Variants in ZNF892 observed in about 807,000 individuals in gnomAD.
ZNF892 encodes zinc finger protein 570-like.
chr2:95,227,010 T>C, the ZNF892 span, among the ~76,000 whole-genome samples: 8 of 152,160 alleles, frequency 5.3e-5, no homozygotes, highest in Non-Finnish European at 8.8e-5. Context: ...TTTTATTAAA[T>C]GAATTATTTT....
chr2:95,208,628 G>A, the ZNF892 span: 2 of 398,512 alleles, frequency 5.0e-6, no homozygotes, highest in Admixed American at 4.4e-5. Flanking sequence ...AATCATCATG[G>A]CTCCTGTCTC....
the ZNF892 span, among the ~76,000 whole-genome samples, chr2:95,236,166 C>T: frequency 6.6e-6 from 1 of 152,186 alleles, no homozygotes. Context: ...CAGTCAAAGC[C>T]TTGGCAATAT....
At chr2:95,225,151 T>C in the ZNF892 span, among the ~76,000 whole-genome samples, 2 of 152,248 alleles carry the variant, frequency 1.3e-5, no homozygotes, top group Non-Finnish European at 2.9e-5. Flanking sequence ...GTTTATGTTA[T>C]AGAATATATT....
At chr2:95,251,008 ATATT>A in the ZNF892 span, among the ~76,000 whole-genome samples, 6 of 149,506 alleles carry the variant, frequency 4.0e-5, no homozygotes, top group Non-Finnish European at 7.4e-5. Context: ...TATTACATAA[ATATT>A]TATTATTTAT....
At chr2:95,249,274 T>G in the ZNF892 span, among the ~76,000 whole-genome samples, 1 of 128,700 alleles carries the variant, frequency 7.8e-6, no homozygotes, top group East Asian at 2.5e-4. Context: ...AGAGCCTTGC[T>G]CTGTCACCCA....
chr2:95,229,439 C>T, the ZNF892 span, among the ~76,000 whole-genome samples: 33 of 152,308 alleles, frequency 2.2e-4, no homozygotes, highest in African/African-American at 7.2e-4. Flanking sequence ...ATCCACCCCA[C>T]GCCACCCCAC....
chr2:95,245,245 A>ATT, the ZNF892 span, among the ~76,000 whole-genome samples: 19 of 77,710 alleles, frequency 2.4e-4, no homozygotes, highest in East Asian at 6.8e-4. Context: ...CCTGGAGCTG[A>ATT]TTTTTTTTTT....
the ZNF892 span, among the ~76,000 whole-genome samples, chr2:95,249,669 A>G: frequency 6.6e-6 from 1 of 152,110 alleles, no homozygotes; most frequent in Admixed American, 6.6e-5. Context: ...CCAATATACC[A>G]TCTCATCATT....
the ZNF892 span, among the ~76,000 whole-genome samples, chr2:95,229,255 G>C: frequency 5.6e-4 from 86 of 152,264 alleles, 2 homozygotes; most frequent in African/African-American, 1.7e-3. Context: ...GTATCACTAT[G>C]GGTCCATGGA....
the ZNF892 span, among the ~76,000 whole-genome samples, chr2:95,239,529 C>T: frequency 6.6e-6 from 1 of 152,172 alleles, no homozygotes; most frequent in Non-Finnish European, 1.5e-5. Flanking sequence ...CCCCAACCTT[C>T]AGAAACCACC....
chr2:95,230,618 G>T, the ZNF892 span, among the ~76,000 whole-genome samples: 2 of 152,180 alleles, frequency 1.3e-5, no homozygotes, highest in South Asian at 4.1e-4. Flanking sequence ...ACGGGAAGTG[G>T]CAGACCCCCG....
chr2:95,212,318 T>C, the ZNF892 span: 3 of 398,316 alleles, frequency 7.5e-6, no homozygotes, highest in Non-Finnish European at 1.3e-5. Flanking sequence ...AAACCCAGAT[T>C]GTCAATGCAA....
chr2:95,237,835 G>A, the ZNF892 span, among the ~76,000 whole-genome samples: 13 of 152,232 alleles, frequency 8.5e-5, no homozygotes, highest in African/African-American at 2.9e-4. Context: ...GAGTGGTCTG[G>A]ATAGAAGATC....
At chr2:95,239,638 G>A in the ZNF892 span, among the ~76,000 whole-genome samples, 9 of 151,460 alleles carry the variant, frequency 5.9e-5, no homozygotes, top group South Asian at 6.3e-4. Context: ...TCACTCTGTC[G>A]CCCAGGCTGG....
the ZNF892 span, among the ~76,000 whole-genome samples, chr2:95,227,381 T>C: frequency 6.6e-6 from 1 of 152,064 alleles, no homozygotes; most frequent in African/African-American, 2.4e-5. Flanking sequence ...TGGAATGCAG[T>C]GGCGCAATCA....
the ZNF892 span, among the ~76,000 whole-genome samples, chr2:95,239,511 C>T: frequency 6.6e-6 from 1 of 152,156 alleles, no homozygotes; most frequent in East Asian, 1.9e-4. Context: ...AAGAAATTGT[C>T]ACAGCCACCC....
At chr2:95,214,547 T>G in the ZNF892 span, 5 of 398,508 alleles carry the variant, frequency 1.3e-5, no homozygotes, top group Non-Finnish European at 2.2e-5. Context: ...GCTACCAATC[T>G]GATGAATTTA....
chr2:95,250,346 C>T, the ZNF892 span, among the ~76,000 whole-genome samples: 1 of 151,820 alleles, frequency 6.6e-6, no homozygotes, highest in Non-Finnish European at 1.5e-5. Context: ...ACTCTCAAGA[C>T]ACGCCTGATT....
chr2:95,209,394 C>CA, the ZNF892 span, among the ~76,000 whole-genome samples: 1 of 152,284 alleles, frequency 6.6e-6, no homozygotes, highest in Admixed American at 6.5e-5. Context: ...GGACAGTCTA[C>CA]ACTCGGTCTT....
Sources: allele counts gnomAD v4.1 joint callset (sites outside exome capture counted in the v4.1 genomes callset), GRCh38; gene constraint gnomAD v4.1.1; transcripts MANE v1.5; gene names NCBI Gene and HGNC (gene_info 2026-07-23, HGNC 2026-07-21).